The following PLAGL1 variants were observed in gnomAD, a reference collection of about 807,000 sequenced individuals.
PLAGL1 encodes PLAG1 like zinc finger 1, also known as zinc finger protein PLAGL1.
In PLAGL1, 1 loss-of-function variant was observed where a neutral mutation model predicts 4.6. That is an observed-to-expected ratio of 0.22 (90% confidence interval 0.08 to 1.03). PLAGL1 has a LOEUF of 1.03. PLAGL1 is among the 50% of genes least tolerant of loss of function. The pLI is 0.58. For synonymous variants in PLAGL1, 240 were observed against 237.8 expected (o/e 1.01, Z -0.08); for missense variants, 464 against 570.4 (o/e 0.81, Z 1.90).
chr6:144,031,886 G>T (rs1303807712), intron 1 of PLAGL1, among the ~76,000 whole-genome samples: 1 of 152,068 alleles, frequency 6.6e-6, no homozygotes, highest in East Asian at 1.9e-4. Context: ...GTTCTGTGAA[G>T]AATGATGGTG....
chr6:143,980,820 C>T (rs1661963901), intron 2 of PLAGL1, among the ~76,000 whole-genome samples: 1 of 152,106 alleles, frequency 6.6e-6, no homozygotes, highest in African/African-American at 2.4e-5. Flanking sequence ...CCTTAAATAT[C>T]CTTGAGCTTT....
In PLAGL1 at chr6:143,984,320, G is replaced by A. The variant is rs1051625933; in HGVS notation, c.-544+815C>T. On this transcript the variant is annotated intron_variant, in intron 2 of 7. Transcript: ENST00000674357. The surrounding 1 kb of genome is among the most constrained non-coding windows in gnomAD (Gnocchi z 5.5). ...TTCAATGGTATATTTGGTGAGGTAG[G>A]GGTTGTATGGTGAAATATGCTGGAG... Among the ~76,000 whole-genome samples, 3 of 152,134 alleles carry A rather than the reference G, an allele frequency of 2.0e-5. No homozygotes were observed. Among genetic ancestry groups the A allele is most frequent in the Non-Finnish European group, 2.9e-5 (2 of 68,016 alleles).
At chr6:144,044,999 G>GTTTT (rs1798021374) in intron 1 of PLAGL1, among the ~76,000 whole-genome samples, 5 of 14,282 alleles carry the variant, frequency 3.5e-4, no homozygotes, top group African/African-American at 2.1e-3. Context: ...TGCAACCCCT[G>GTTTT]CTTTTTTTTT....
intron 1 of PLAGL1, chr6:144,007,216 A>T (rs1794415852): frequency 6.6e-6 from 1 of 152,242 alleles, no homozygotes; most frequent in South Asian, 2.1e-4. Flanking sequence ...GTCATTAAAC[A>T]GTATTAATCA....
Position 143,972,259 on chromosome 6 carries a change from A to G in PLAGL1, c.-543-3281T>C, listed in dbSNP as rs565015682. 6.6e-6 allele frequency among the ~76,000 whole-genome samples: 1 copy of G among 152,352 alleles called. No homozygotes were observed. The highest frequency in any genetic ancestry group is 2.4e-5 in the African/African-American group (1 of 41,586). On this transcript the variant is annotated intron_variant, in intron 2 of 7. Transcript: ENST00000674357. This position sits in a 1 kb window ranked among gnomAD's most constrained non-coding sequence, Gnocchi z 6.8. ...AAAATGAATACAACACAGCTGCTTT[A>G]CTTCCAGCTAAAAGAATACACCTAA...
In PLAGL1 at chr6:144,050,390, G is replaced by A. The variant is rs938361207; in HGVS notation, c.-151+14078C>T. The stretch of plus-strand genomic sequence containing the variant: ...TGATACCAGCAACCAGGGCTTGCTC[G>A]GCTTTCCTGCCCAAATCCCTTCTCA... On this transcript the variant is annotated intron_variant, in intron 1 of 3. Coordinates refer to the PLAGL1 transcript ENST00000437412. This position sits in a 1 kb window ranked among gnomAD's most constrained non-coding sequence, Gnocchi z 4.3. Among the ~76,000 whole-genome samples the A allele has an allele frequency of 3.3e-5, 5 of 152,114 alleles. No homozygotes were observed. The highest frequency in any genetic ancestry group is 7.4e-5 in the Non-Finnish European group (5 of 68,018).
rs901385372 is a variant in PLAGL1 at position 144,013,730 on chromosome 6, G to A, written c.-150-44752C>T. ...CAATCTCTGCCTCCATCTTCACAAC[G>A]CCTTCTCTGTGCGTGCCATGTGCTT... is the stretch of plus-strand genomic sequence containing the variant. On this transcript the variant is annotated intron_variant, in intron 1 of 3. Transcript: ENST00000437412. The surrounding 1 kb of genome is among the most constrained non-coding windows in gnomAD (Gnocchi z 4.4). 2.6e-5 allele frequency among the ~76,000 whole-genome samples: 4 copies of A among 152,262 alleles called. No individual in the cohort carries two copies. The South Asian group carries it at 6.2e-4, about 24-fold the overall frequency.
Position 143,942,999 on chromosome 6 carries a change from G to C in PLAGL1, c.153-336C>G, listed in dbSNP as rs1778970698. On this transcript the variant is annotated intron_variant, in intron 7 of 7. Coordinates refer to ENST00000674357, the MANE Select transcript of PLAGL1 (RefSeq NM_001317162.2). This position sits in a 1 kb window ranked among gnomAD's most constrained non-coding sequence, Gnocchi z 7.6. ...TCCCACCTTAGCCTCTCAAATAGCT[G>C]AACTACAGGCACACACCACCAGGCC... Among the ~76,000 whole-genome samples the C allele has an allele frequency of 7.3e-6, 1 of 137,700 alleles. No homozygotes were observed. Among genetic ancestry groups the C allele is most frequent in the African/African-American group, 2.7e-5 (1 of 37,468 alleles). The allele number at this position is 137,700 out of a possible 152,430, so 90.3% of individuals were successfully genotyped here.
chr6:144,004,329 G>A lies in PLAGL1; in HGVS notation c.-584+3761C>T, dbSNP rs1475120332. Among the ~76,000 whole-genome samples, 1 of 152,178 alleles carries A rather than the reference G, an allele frequency of 6.6e-6. No individual in the cohort carries two copies. Among genetic ancestry groups the A allele is most frequent in the Admixed American group, 6.5e-5 (1 of 15,270 alleles). On this transcript the variant is annotated intron_variant, in intron 1 of 7. Transcript: ENST00000674357. The surrounding 1 kb of genome is among the most constrained non-coding windows in gnomAD (Gnocchi z 4.2). ...CTTGACTGGCTGGAATTATAGACAGGAGCCATGGAACACAGCCCAATAAAA... is the reference window on the plus strand; with the variant it reads ...CTTGACTGGCTGGAATTATAGACAGAAGCCATGGAACACAGCCCAATAAAA...
At chr6:143,969,956 C>G (rs995749703) in intron 2 of PLAGL1, among the ~76,000 whole-genome samples, 1 of 152,074 alleles carries the variant, frequency 6.6e-6, no homozygotes, top group Admixed American at 6.6e-5. Context: ...AAAATGTTTA[C>G]AGACTGAAAA....
At chr6:144,046,502 G>C (rs917743037) in intron 1 of PLAGL1, among the ~76,000 whole-genome samples, 3 of 152,182 alleles carry the variant, frequency 2.0e-5, no homozygotes, top group Non-Finnish European at 4.4e-5. Flanking sequence ...GTTTGCCTGG[G>C]TGTCACCAGC....
chr6:144,037,415 CAAA>C (rs34570725), intron 1 of PLAGL1: 5 of 88,136 alleles, frequency 5.7e-5, no homozygotes, highest in Admixed American at 1.4e-4. Context: ...CCATCTCTAC[CAAA>C]AAAAAAAAAA....
intron 1 of PLAGL1, among the ~76,000 whole-genome samples, chr6:143,986,821 C>T (rs1487732829): frequency 6.6e-6 from 1 of 152,174 alleles, no homozygotes; most frequent in African/African-American, 2.4e-5. Context: ...TATGCTGCCC[C>T]AAATACCCTG....
At position 143,990,823 on chromosome 6, in the gene PLAGL1, A is replaced by C. The variant is rs1055795473; in HGVS notation, c.-583-5649T>G. On this transcript the variant is annotated intron_variant, in intron 1 of 7. Coordinates refer to ENST00000674357, the MANE Select transcript of PLAGL1 (RefSeq NM_001317162.2). The surrounding 1 kb of genome is among the most constrained non-coding windows in gnomAD (Gnocchi z 5.4). Reference sequence around the variant, plus strand: ...CCCTTGTGTCATGCCGCTGCATTATATATCAGACACATTCCTTAGAATATC... The same window carrying C: ...CCCTTGTGTCATGCCGCTGCATTATCTATCAGACACATTCCTTAGAATATC... Among the ~76,000 whole-genome samples the C allele has an allele frequency of 3.9e-5, 6 of 152,210 alleles. No individual in the cohort carries two copies. Among genetic ancestry groups the C allele is most frequent in the Non-Finnish European group, 8.8e-5 (6 of 68,038 alleles).
upstream of PLAGL1, among the ~76,000 whole-genome samples, chr6:144,009,989 G>A (rs974936168): frequency 6.6e-6 from 1 of 152,166 alleles, no homozygotes; most frequent in African/African-American, 2.4e-5. Flanking sequence ...ACGTGTGCAT[G>A]TGTCTTTACA....
At position 143,958,140 on chromosome 6, in the gene PLAGL1, T is replaced by A. The variant is rs1782559298; in HGVS notation, c.-325+2329A>T. Among the ~76,000 whole-genome samples, 1 of 152,180 alleles carries A rather than the reference T, an allele frequency of 6.6e-6. No individual in the cohort carries two copies. Among genetic ancestry groups the A allele is most frequent in the Non-Finnish European group, 1.5e-5 (1 of 68,028 alleles). On this transcript the variant is annotated intron_variant, in intron 6 of 7. Coordinates refer to ENST00000674357, the MANE Select transcript of PLAGL1 (RefSeq NM_001317162.2). This position sits in a 1 kb window ranked among gnomAD's most constrained non-coding sequence, Gnocchi z 5.1. ...GGATAGTGCACCTGGCAGGGGACAC[T>A]GGGTTTATCCTACAGGGAACTGGGA...
chr6:144,021,208 T>G (rs1416441683), intron 1 of PLAGL1, among the ~76,000 whole-genome samples: 1 of 152,142 alleles, frequency 6.6e-6, no homozygotes, highest in Non-Finnish European at 1.5e-5. Flanking sequence ...TCATAACATA[T>G]TATACTTGCT....
Position 144,055,255 on chromosome 6 carries a change from C to T in PLAGL1, c.-151+9213G>A, listed in dbSNP as rs537610165. Among the ~76,000 whole-genome samples, 30 of 152,248 alleles carry T rather than the reference C, an allele frequency of 2.0e-4. No homozygotes were observed. The highest frequency in any genetic ancestry group is 1.5e-3 in the South Asian group (7 of 4,826). On this transcript the variant is annotated intron_variant, in intron 1 of 3. Coordinates refer to the PLAGL1 transcript ENST00000437412. The surrounding 1 kb of genome is among the most constrained non-coding windows in gnomAD (Gnocchi z 5.0). ...GTGTTCGACAGAGAAGAAAGCTTAC[C>T]GAGTGCTTAGTTCAACACTTTCATT...
Position 144,061,265 on chromosome 6 carries a change from T to G in PLAGL1, c.-151+3203A>C, listed in dbSNP as rs1799377152. The stretch of plus-strand genomic sequence containing the variant: ...TCCAAAAGGGAGCCTCTCATTTCAC[T>G]TCAGTTACCCATCAGCCATATGACG... On this transcript the variant is annotated intron_variant, in intron 1 of 3. Transcript: ENST00000437412. This position sits in a 1 kb window ranked among gnomAD's most constrained non-coding sequence, Gnocchi z 4.4. Among the ~76,000 whole-genome samples, 1 of 152,226 alleles carries G rather than the reference T, an allele frequency of 6.6e-6. No individual in the cohort carries two copies. Among genetic ancestry groups the G allele is most frequent in the Non-Finnish European group, 1.5e-5 (1 of 68,040 alleles).
Sources: gnomAD v4.1 joint callset for allele counts (sites outside exome capture counted in the v4.1 genomes callset) on GRCh38, gnomAD v4.1.1 for gene constraint, Gnocchi (gnomAD v3.1) non-coding constraint, MANE v1.5 for transcripts, NCBI Gene and HGNC (gene_info 2026-07-23, HGNC 2026-07-21) for gene names.